The following PARP9 variants were observed in gnomAD, a reference collection of about 807,000 sequenced individuals.
PARP9 encodes the protein protein mono-ADP-ribosyltransferase PARP9.
In PARP9, 48 loss-of-function variants were observed where a neutral mutation model predicts 68.8. The ratio of observed to expected loss-of-function variants is 0.70; its 90% CI spans 0.55 to 0.89. The LOEUF is 0.89. PARP9 is among the 40% of genes least tolerant of loss of function. The pLI is 0.00. For missense variants in PARP9, 806 were observed against 969.3 expected, an observed-to-expected ratio of 0.83 and a Z score of 2.24; for synonymous variants, 309 against 333.8, an observed-to-expected ratio of 0.93 and a Z score of 0.81.
At chr3:122,549,969 C>A (rs561278008) in intron 6 of PARP9, among the ~76,000 whole-genome samples, 20 of 152,256 alleles carry the variant, frequency 1.3e-4, no homozygotes, top group African/African-American at 4.8e-4. Context: ...GGACCCCACA[C>A]TGAAACTAGA....
At chr3:122,547,600 C>A (rs1408235289) in intron 6 of PARP9, among the ~76,000 whole-genome samples, 1 of 151,964 alleles carries the variant, frequency 6.6e-6, no homozygotes, top group Non-Finnish European at 1.5e-5. Context: ...CGTCTGTAAT[C>A]CCAGAATTTT....
In PARP9 at chr3:122,540,524, T is replaced by C; in HGVS notation, c.1713A>G (p.Lys571=). ...VVMNIEDMLC[K]VQEEMARKKE... ...TTTTCCTTGCCATTTCCTCCTGTAC[T>C]TTACAAAGCATATCTTCAATGTTCA... The change falls in exon 8 of 11, where the codon AAA becomes AAG. Residue 571 remains lysine, a synonymous_variant. Coordinates refer to ENST00000682323, the MANE Select transcript of PARP9 (RefSeq NM_001146105.2). 1 of 1,614,204 alleles carries C rather than the reference T, an allele frequency of 6.2e-7. No individual in the cohort carries two copies. Among genetic ancestry groups the C allele is most frequent in the South Asian group, 1.1e-5 (1 of 91,086 alleles).
intron 6 of PARP9, among the ~76,000 whole-genome samples, chr3:122,546,910 G>A (rs1386348432): frequency 2.1e-5 from 3 of 143,612 alleles, no homozygotes; most frequent in Non-Finnish European, 3.0e-5. Flanking sequence ...AAAGATTAAG[G>A]GGAGAAGGAG....
At chr3:122,561,696 C>CAGGATTCT (rs1371210280) in intron 1 of PARP9, among the ~76,000 whole-genome samples, 1 of 152,166 alleles carries the variant, frequency 6.6e-6, no homozygotes, top group Non-Finnish European at 1.5e-5. Context: ...TTGTTTGCCC[C>CAGGATTCT]AGGATTCTGT....
At chr3:122,530,140 G>A (rs1034960474) in intron 10 of PARP9, among the ~76,000 whole-genome samples, 36 of 134,708 alleles carry the variant, frequency 2.7e-4, no homozygotes, top group South Asian at 4.5e-4. Flanking sequence ...TCGTGCCACT[G>A]CACTCCAACC....
intron 6 of PARP9, among the ~76,000 whole-genome samples, chr3:122,549,717 A>G (rs906364328): frequency 1.3e-5 from 2 of 152,042 alleles, no homozygotes; most frequent in Admixed American, 1.3e-4. Flanking sequence ...GGAGTTCAAG[A>G]CTGCAGTGAG....
upstream of PARP9, chr3:122,564,729 G>C: frequency 7.7e-7 from 1 of 1,295,958 alleles, no homozygotes; most frequent in Non-Finnish European, 1.0e-6. Context: ...ATGTCACTGT[G>C]CGGTGGCGGA....
At chr3:122,542,439 C>T (rs2078318024) in intron 7 of PARP9, among the ~76,000 whole-genome samples, 1 of 151,640 alleles carries the variant, frequency 6.6e-6, no homozygotes, top group Non-Finnish European at 1.5e-5. Flanking sequence ...CAGAGTCTCG[C>T]TCTGTTGCCC....
At chr3:122,528,920 T>C (rs535009450) in intron 10 of PARP9, among the ~76,000 whole-genome samples, 177 bp from the exon 11 acceptor site, 1 of 152,146 alleles carries the variant, frequency 6.6e-6, no homozygotes, top group Non-Finnish European at 1.5e-5. Flanking sequence ...AAATTATCAC[T>C]GACACCATCA....
intron 4 of PARP9, among the ~76,000 whole-genome samples, chr3:122,554,502 T>C (rs976742641): frequency 1.3e-5 from 2 of 152,304 alleles, no homozygotes; most frequent in Admixed American, 6.5e-5. Context: ...GTGCCTAAGA[T>C]AATAGCAACA....
intron 5 of PARP9, among the ~76,000 whole-genome samples, chr3:122,551,057 G>C (rs1197865406): frequency 6.6e-6 from 1 of 152,068 alleles, no homozygotes; most frequent in Non-Finnish European, 1.5e-5. Flanking sequence ...ATTTCTCCCA[G>C]TTTATATAGC....
In PARP9 at chr3:122,536,178, C is replaced by T. The variant is rs1174457088; in HGVS notation, c.2070G>A (p.Ser690=). ...GGCATTGACACCTACCGCAAGGTGT[C>T]GAGTACATTCTTTGAAAGCCAACTC... ...VCRVGFQRMY[S]TPCDPKYGAG... The change falls in exon 10 of 11, where the codon TCG becomes TCA. Residue 690 remains serine, a synonymous_variant. Transcript: ENST00000682323. 8.1e-6 allele frequency: 13 copies of T among 1,614,074 alleles called. No individual in the cohort carries two copies. Among genetic ancestry groups the T allele is most frequent in the Non-Finnish European group, 1.0e-5 (12 of 1,180,004 alleles).
intron 10 of PARP9, chr3:122,534,969 T>G: frequency 3.1e-6 from 3 of 983,208 alleles, no homozygotes; most frequent in Non-Finnish European, 3.6e-6. Flanking sequence ...CTTGGGAGGA[T>G]AGTGGGTGTC....
Position 122,559,727 on chromosome 3 carries a change from A to C in PARP9, c.-89-18T>G. ...GCCCACTTCTAGGAATGAATTAGAA[A>C]AGATGCAATAAACATTAGCCAGAAT... On this transcript the variant is annotated intron_variant, in intron 1 of 10. Transcript: ENST00000682323. 2 of 1,080,058 alleles carry C rather than the reference A, an allele frequency of 1.9e-6. No individual in the cohort carries two copies. Among genetic ancestry groups the C allele is most frequent in the Admixed American group, 5.2e-5 (2 of 38,174 alleles). 66.9% of individuals were successfully genotyped at this position (1,080,058 alleles called of 1,614,324 possible).
intron 3 of PARP9, among the ~76,000 whole-genome samples, chr3:122,558,001 A>G (rs2079848753): frequency 6.6e-6 from 1 of 152,232 alleles, no homozygotes; most frequent in Admixed American, 6.5e-5. Flanking sequence ...GTCTCCTAGA[A>G]AGACCTCTTG....
chr3:122,534,526 C>A lies in PARP9; in HGVS notation c.2080+1642G>T, dbSNP rs997664211. On this transcript the variant is annotated intron_variant, in intron 10 of 10. Coordinates refer to ENST00000682323, the MANE Select transcript of PARP9 (RefSeq NM_001146105.2). The stretch of plus-strand genomic sequence containing the variant: ...GAGTTTTCATTGCAGTTTTCCCGCT[C>A]CTTTTTATATCACTATATAATGAGT... 3.9e-6 allele frequency: 3 copies of A among 769,318 alleles called. No individual in the cohort carries two copies. The African/African-American group carries it at 5.7e-5, about 15-fold the overall frequency. The allele number at this position is 769,318 out of a possible 1,614,324, so 47.7% of individuals were successfully genotyped here. A position where few individuals can be genotyped will look rare whatever the true frequency, so the allele number is the denominator to read the frequency against.
In PARP9 at chr3:122,556,130, G is replaced by C; in HGVS notation, c.50-9C>G. 1.1e-5 allele frequency: 2 copies of C among 189,782 alleles called. No homozygotes were observed. The highest frequency in any genetic ancestry group is 1.9e-5 in the Non-Finnish European group (2 of 105,836). 11.8% of individuals were successfully genotyped at this position (189,782 alleles called of 1,614,324 possible). A position where few individuals can be genotyped will look rare whatever the true frequency, so the allele number is the denominator to read the frequency against. ...TCCAAGAGCACCAGTCTCTGGAAAA[G>C]AAGAGAAGATTAAAAAAAAAAAAAA... is the stretch of plus-strand genomic sequence containing the variant. On this transcript the variant is annotated splice_polypyrimidine_tract_variant and intron_variant, in intron 3 of 10. Coordinates refer to ENST00000682323, the MANE Select transcript of PARP9 (RefSeq NM_001146105.2).
chr3:122,558,318 C>T, intron 3 of PARP9, 116 bp downstream of exon 3: 1 of 1,613,296 alleles, frequency 6.2e-7, no homozygotes, highest in African/African-American at 1.3e-5. Flanking sequence ...CAAGGGTCTG[C>T]AGTCACGCAC....
At position 122,561,128 on chromosome 3, in the gene PARP9, A is replaced by G. The variant is rs185839732; in HGVS notation, c.-89-1419T>C. On this transcript the variant is annotated intron_variant, in intron 1 of 10. Transcript: ENST00000682323. Reference sequence around the variant, plus strand: ...TGTCCACCTGCCCACTCAGCCTACTATAACCTGGCTCCCTGCCTCATTCCC... The same window carrying G: ...TGTCCACCTGCCCACTCAGCCTACTGTAACCTGGCTCCCTGCCTCATTCCC... 3.3e-5 allele frequency among the ~76,000 whole-genome samples: 5 copies of G among 152,302 alleles called. No homozygotes were observed. In the East Asian group the frequency reaches 9.6e-4, roughly 29 times the overall value.
Sources: allele counts gnomAD v4.1 joint callset (sites outside exome capture counted in the v4.1 genomes callset), GRCh38; gene constraint gnomAD v4.1.1; transcripts MANE v1.5; gene names NCBI Gene and HGNC (gene_info 2026-07-23, HGNC 2026-07-21).